NECAB1: variants seen among roughly 807,000 people sequenced by gnomAD.
The protein encoded by NECAB1 is N-terminal EF-hand calcium-binding protein 1.
In NECAB1, 29 loss-of-function variants were observed where a neutral mutation model predicts 57.5. The ratio of observed to expected loss-of-function variants is 0.50; its 90% confidence interval spans 0.38 to 0.69. The LOEUF (loss-of-function observed/expected upper bound fraction) is 0.69. NECAB1 is among the 30% of genes least tolerant of loss of function. The pLI is 0.00. For missense variants in NECAB1, 372 were observed against 413.8 expected (o/e 0.90, Z 0.88); for synonymous variants, 142 against 147.7 (o/e 0.96, Z 0.28).
intron 1 of NECAB1, among the ~76,000 whole-genome samples, chr8:90,796,034 C>G (rs894297143): frequency 1.7e-4 from 26 of 152,122 alleles, no homozygotes; most frequent in African/African-American, 6.0e-4. Context: ...TTACTGTTAT[C>G]ATACATTAAA....
intron 11 of NECAB1, among the ~76,000 whole-genome samples, chr8:90,950,380 T>A (rs1011549984): frequency 1.3e-5 from 2 of 152,176 alleles, no homozygotes; most frequent in Non-Finnish European, 2.9e-5. Context: ...CAAGACGTTG[T>A]CAAAAATTAA....
At chr8:90,898,381 G>A (rs992235600) in intron 5 of NECAB1, among the ~76,000 whole-genome samples, 1 of 152,038 alleles carries the variant, frequency 6.6e-6, no homozygotes, top group African/African-American at 2.4e-5. Context: ...AATCAATATT[G>A]TCCCATTTCA....
intron 7 of NECAB1, among the ~76,000 whole-genome samples, chr8:90,927,986 T>C (rs1043153803): frequency 7.4e-6 from 1 of 135,070 alleles, no homozygotes; most frequent in Non-Finnish European, 1.5e-5. Flanking sequence ...TCTTTGAATA[T>C]CAAAGGCCAA....
In NECAB1 at chr8:90,827,849, A is replaced by T. The variant is rs1017604501; in HGVS notation, c.233+3024A>T. On this transcript the variant is annotated intron_variant, in intron 3 of 12. Transcript: ENST00000417640. ...ACATTATTCCTCATAAAATTACATTAAAAAAGCATCATGTAAACTTATGGA... is the reference window on the plus strand; with the variant it reads ...ACATTATTCCTCATAAAATTACATTTAAAAAGCATCATGTAAACTTATGGA... Among the ~76,000 whole-genome samples the T allele has an allele frequency of 5.3e-5, 8 of 152,124 alleles. 1 individual carries two copies. In the Middle Eastern group the frequency reaches 0.01, roughly 194 times the overall value.
At chr8:90,807,941 C>G (rs11991316) in intron 2 of NECAB1, among the ~76,000 whole-genome samples, 57,814 of 151,980 alleles carry the variant, frequency 0.38, 12,254 homozygotes, top group East Asian at 0.81. Flanking sequence ...TGGGAGAAAC[C>G]CATGAGTGCA....
intron 5 of NECAB1, 129 bp downstream of exon 5, chr8:90,881,259 A>G: frequency 1.5e-6 from 1 of 648,440 alleles, no homozygotes; most frequent in East Asian, 2.9e-5. Context: ...TTCATACTAA[A>G]TGAGCTATGT....
chr8:90,877,233 A>C (rs1808744739), intron 4 of NECAB1, among the ~76,000 whole-genome samples: 1 of 152,178 alleles, frequency 6.6e-6, no homozygotes, highest in Non-Finnish European at 1.5e-5. Context: ...AAGCTTTGGC[A>C]TGGCTCATAG....
intron 3 of NECAB1, among the ~76,000 whole-genome samples, chr8:90,851,085 C>T (rs1052650821): frequency 2.6e-5 from 4 of 152,120 alleles, no homozygotes; most frequent in African/African-American, 4.8e-5. Context: ...CATGAAAACA[C>T]TAAATGATGG....
chr8:90,894,188 T>C (rs1809267421), intron 5 of NECAB1, among the ~76,000 whole-genome samples: 1 of 152,196 alleles, frequency 6.6e-6, no homozygotes, highest in South Asian at 2.1e-4. Context: ...TCCAGACACA[T>C]TTTTTCTCAC....
chr8:90,828,173 C>A (rs1812253590), intron 3 of NECAB1, among the ~76,000 whole-genome samples: 1 of 144,806 alleles, frequency 6.9e-6, no homozygotes, highest in Non-Finnish European at 1.5e-5. Context: ...TTACTTGGAT[C>A]TTTTCAGTCA....
At chr8:90,823,173 G>A (rs899689290) in intron 2 of NECAB1, among the ~76,000 whole-genome samples, 1 of 151,804 alleles carries the variant, frequency 6.6e-6, no homozygotes, top group Non-Finnish European at 1.5e-5. Context: ...CGCTAAGCTG[G>A]CTTGGCCCAG....
At chr8:90,928,107 CCAGT>C (rs878965968) in intron 7 of NECAB1, 112 bp from the exon 8 acceptor site, 9 of 747,538 alleles carry the variant, frequency 1.2e-5, no homozygotes, top group South Asian at 6.9e-5. Flanking sequence ...AAAAAAATGA[CCAGT>C]CAGTGACACT....
chr8:90,835,386 A>C (rs1241202880), intron 3 of NECAB1, among the ~76,000 whole-genome samples: 3 of 152,078 alleles, frequency 2.0e-5, no homozygotes, highest in African/African-American at 4.8e-5. Flanking sequence ...AAGAACTCAG[A>C]CTTGCCAGGC....
intron 3 of NECAB1, chr8:90,858,999 T>A (rs1429505487): frequency 1.3e-5 from 2 of 152,168 alleles, no homozygotes; most frequent in Non-Finnish European, 2.9e-5. Flanking sequence ...GGAAATTCCT[T>A]TGGAATTCCC....
chr8:90,872,302 A>T, intron 4 of NECAB1, 149 bp downstream of exon 4: 1 of 639,940 alleles, frequency 1.6e-6, no homozygotes, highest in Non-Finnish European at 2.5e-6. Context: ...ATTTATCTTT[A>T]CCCGTGAATT....
At chr8:90,889,208 C>G (rs1028014799) in intron 5 of NECAB1, among the ~76,000 whole-genome samples, 1 of 152,106 alleles carries the variant, frequency 6.6e-6, no homozygotes, top group African/African-American at 2.4e-5. Flanking sequence ...CAGGTACAAT[C>G]CTAAGTACTT....
intron 5 of NECAB1, among the ~76,000 whole-genome samples, chr8:90,894,180 C>T (rs1234290359): frequency 6.6e-6 from 1 of 152,062 alleles, no homozygotes; most frequent in Non-Finnish European, 1.5e-5. Flanking sequence ...CTAACAGTTC[C>T]AGACACATTT....
intron 5 of NECAB1, among the ~76,000 whole-genome samples, chr8:90,885,955 A>G (rs1168579176): frequency 6.6e-6 from 1 of 152,162 alleles, no homozygotes; most frequent in East Asian, 1.9e-4. Flanking sequence ...GAAAATATGA[A>G]AGAAATTATA....
intron 5 of NECAB1, among the ~76,000 whole-genome samples, chr8:90,905,059 G>C (rs1809605111): frequency 6.6e-6 from 1 of 151,012 alleles, no homozygotes; most frequent in African/African-American, 2.4e-5. Flanking sequence ...ACATAGTATG[G>C]CATAACTTTC....
Sources: allele counts gnomAD v4.1 joint callset (sites outside exome capture counted in the v4.1 genomes callset), GRCh38; gene constraint gnomAD v4.1.1; transcripts MANE v1.5; gene names NCBI Gene and HGNC (gene_info 2026-07-23, HGNC 2026-07-21).